The following LRRC37A2 variants were observed in gnomAD, a reference collection of about 807,000 sequenced individuals.
LRRC37A2 encodes the protein leucine rich repeat containing 37 member A2.
Under a neutral mutation model 68.8 loss-of-function variants are expected in LRRC37A2, and 9 were observed. That is an observed-to-expected ratio of 0.13 (90% CI 0.08 to 0.23). The LOEUF is 0.23. Ranked by LOEUF, LRRC37A2 falls within the 10% of genes least tolerant of loss-of-function variation. The pLI, the probability that LRRC37A2 is intolerant of heterozygous loss-of-function variation, is 1.00. For synonymous variants in LRRC37A2, 63 were observed against 367.6 expected (o/e 0.17, Z 9.48); for missense variants, 168 against 950.4 (o/e 0.18, Z 10.82).
At chr17:46,796,799 C>T in the LRRC37A2 span, among the ~76,000 whole-genome samples, 24 of 152,356 alleles carry the variant, frequency 1.6e-4, no homozygotes, top group African/African-American at 5.8e-4. Flanking sequence ...GACTGATTGG[C>T]TGACTGCTTC....
the LRRC37A2 span, among the ~76,000 whole-genome samples, chr17:46,569,356 T>TAC: frequency 6.7e-6 from 1 of 150,324 alleles, no homozygotes; most frequent in South Asian, 2.1e-4. Flanking sequence ...ATTTTATATA[T>TAC]ATATATATGC....
chr17:47,008,301 C>CG, the LRRC37A2 span, among the ~76,000 whole-genome samples: 1 of 151,120 alleles, frequency 6.6e-6, no homozygotes, highest in African/African-American at 2.4e-5. Context: ...TTAGTAGAGA[C>CG]GGGGTTTCAC....
chr17:46,840,555 G>T, the LRRC37A2 span, among the ~76,000 whole-genome samples: 1 of 152,202 alleles, frequency 6.6e-6, no homozygotes, highest in East Asian at 1.9e-4. Context: ...AAATGATATT[G>T]CTAGTTCTAG....
chr17:46,846,981 C>A, the LRRC37A2 span, among the ~76,000 whole-genome samples: 1 of 152,188 alleles, frequency 6.6e-6, no homozygotes, highest in South Asian at 2.1e-4. Context: ...ACCTTTCCTG[C>A]AAATGCTTAA....
At chr17:47,021,787 T>C in the LRRC37A2 span, 9 of 1,149,180 alleles carry the variant, frequency 7.8e-6, no homozygotes, top group African/African-American at 1.3e-4. Context: ...GCAATGATTC[T>C]TTTACTTATC....
the LRRC37A2 span, among the ~76,000 whole-genome samples, chr17:46,864,696 C>T: frequency 2.0e-5 from 3 of 152,116 alleles, no homozygotes; most frequent in Non-Finnish European, 4.4e-5. Flanking sequence ...CCCTGATGTG[C>T]TGGGTCTGCA....
chr17:47,049,001 G>T, the LRRC37A2 span: 1 of 497,134 alleles, frequency 2.0e-6, no homozygotes, highest in Non-Finnish European at 3.6e-6. Context: ...GTTCCAAGTA[G>T]ATGGCCGTGT....
the LRRC37A2 span, chr17:47,019,751 C>CA: frequency 1.9e-6 from 1 of 519,912 alleles, no homozygotes; most frequent in Non-Finnish European, 3.2e-6. Context: ...AGAGGCTCCG[C>CA]AAGTGCCTGT....
the LRRC37A2 span, among the ~76,000 whole-genome samples, chr17:47,007,431 G>A: frequency 6.6e-6 from 1 of 152,232 alleles, no homozygotes; most frequent in African/African-American, 2.4e-5. Flanking sequence ...ACCTGCCTCT[G>A]CCTCCCAAAG....
chr17:46,766,037 G>A, the LRRC37A2 span, among the ~76,000 whole-genome samples: 1 of 152,254 alleles, frequency 6.6e-6, no homozygotes, highest in East Asian at 1.9e-4. Context: ...CCATATCTAT[G>A]TAGCACTTTA....
At chr17:46,876,309 G>A in the LRRC37A2 span, 1,799 of 1,614,176 alleles carry the variant, frequency 1.1e-3, 7 homozygotes, top group South Asian at 1.4e-3. Context: ...TGTGCCGTGC[G>A]CACCTGCTGG....
At chr17:46,532,873 G>A (rs1411064669) in intron 6 of LRRC37A2, among the ~76,000 whole-genome samples, 1 of 149,054 alleles carries the variant, frequency 6.7e-6, no homozygotes, top group Admixed American at 6.6e-5. Context: ...GGCTGCGGTG[G>A]GAGGATTGCT....
At chr17:46,493,754 G>T in the LRRC37A2 span, among the ~76,000 whole-genome samples, 1 of 149,282 alleles carries the variant, frequency 6.7e-6, no homozygotes, top group Non-Finnish European at 1.5e-5. Context: ...AGCCAGGATG[G>T]TCTTGATCTC....
At chr17:46,961,526 C>T in the LRRC37A2 span, among the ~76,000 whole-genome samples, 4 of 152,238 alleles carry the variant, frequency 2.6e-5, no homozygotes, top group South Asian at 8.3e-4. Flanking sequence ...CAAATTAAGA[C>T]TCTGCCTCTG....
At chr17:46,949,406 G>A in the LRRC37A2 span, 781 of 152,192 alleles carry the variant, frequency 5.1e-3, 7 homozygotes, top group African/African-American at 0.018. Flanking sequence ...ACCAAGCCTC[G>A]GAAGTCATAG....
At chr17:46,936,924 C>T in the LRRC37A2 span, 11 of 523,114 alleles carry the variant, frequency 2.1e-5, no homozygotes, top group Non-Finnish European at 2.7e-5. Context: ...GTTGATCTCA[C>T]TTTCCTTGTT....
the LRRC37A2 span, among the ~76,000 whole-genome samples, chr17:46,956,383 C>T: frequency 8.9e-4 from 128 of 144,410 alleles, no homozygotes; most frequent in African/African-American, 3.0e-3. Flanking sequence ...CTCCACCTCC[C>T]GGGTTCAAGC....
the LRRC37A2 span, chr17:46,923,202 CTGTT>C: frequency 1.3e-6 from 2 of 1,548,914 alleles, no homozygotes; most frequent in Non-Finnish European, 1.7e-6. Flanking sequence ...CATGGATCCC[CTGTT>C]CCAGCAAACG....
At chr17:46,779,090 C>CAT in the LRRC37A2 span, among the ~76,000 whole-genome samples, 1 of 148,218 alleles carries the variant, frequency 6.7e-6, no homozygotes, top group African/African-American at 2.6e-5. Context: ...CACACACACA[C>CAT]ACACACACAC....
Sources: allele counts gnomAD v4.1 joint callset (sites outside exome capture counted in the v4.1 genomes callset), GRCh38; gene constraint gnomAD v4.1.1; transcripts MANE v1.5; gene names NCBI Gene and HGNC (gene_info 2026-07-23, HGNC 2026-07-21).